NTMT2: variants seen among roughly 807,000 people sequenced by gnomAD.
NTMT2 encodes the protein N-terminal Xaa-Pro-Lys N-methyltransferase 2, also known as X-Pro-Lys N-terminal protein methyltransferase 1B.
A neutral mutation model predicts 23.4 loss-of-function variants in NTMT2; 21 were observed. The ratio of observed to expected loss-of-function variants is 0.90; its 90% CI spans 0.64 to 1.29. NTMT2 has a LOEUF of 1.29. Ranked by LOEUF, NTMT2 falls within the 50% of genes most tolerant of loss-of-function variation. NTMT2 has a pLI of 0.00. For synonymous variants in NTMT2, 131 were observed against 127.7 expected, an observed-to-expected ratio of 1.03 and a Z score of -0.17; for missense variants, 336 against 352.0, an observed-to-expected ratio of 0.95 and a Z score of 0.36.
At chr1:170,161,378 T>C (rs1471266767) in intron 2 of NTMT2, among the ~76,000 whole-genome samples, 2 of 152,228 alleles carry the variant, frequency 1.3e-5, no homozygotes, top group Non-Finnish European at 2.9e-5. Flanking sequence ...TTATACTATT[T>C]TATACATAGT....
intron 1 of NTMT2, among the ~76,000 whole-genome samples, chr1:170,156,708 C>T (rs907231603): frequency 6.6e-6 from 1 of 151,714 alleles, no homozygotes; most frequent in Non-Finnish European, 1.5e-5. Context: ...AACCTGGGGC[C>T]GAACATGACA....
At chr1:170,164,982 C>A (rs1673344025) in intron 2 of NTMT2, among the ~76,000 whole-genome samples, 1 of 152,170 alleles carries the variant, frequency 6.6e-6, no homozygotes, top group South Asian at 2.1e-4. Flanking sequence ...ACTTTTCTAG[C>A]ATAACGAAGG....
At chr1:170,149,105 C>G (rs1195517351) in intron 1 of NTMT2, among the ~76,000 whole-genome samples, 1 of 152,160 alleles carries the variant, frequency 6.6e-6, no homozygotes, top group Admixed American at 6.5e-5. Flanking sequence ...TCATTATTGT[C>G]AAAGTATTGT....
At chr1:170,162,052 T>G (rs1204562152) in intron 2 of NTMT2, among the ~76,000 whole-genome samples, 5 of 152,228 alleles carry the variant, frequency 3.3e-5, no homozygotes, top group African/African-American at 4.8e-5. Context: ...ACCGTGCCAG[T>G]GCATTCCAGC....
At chr1:170,150,864 G>A (rs762330501) in intron 1 of NTMT2, among the ~76,000 whole-genome samples, 3 of 152,162 alleles carry the variant, frequency 2.0e-5, no homozygotes. Flanking sequence ...TCTCCAGTGT[G>A]TATACCAGTG....
chr1:170,159,538 T>C (rs950687189), intron 1 of NTMT2, among the ~76,000 whole-genome samples: 1 of 151,990 alleles, frequency 6.6e-6, no homozygotes, highest in Non-Finnish European at 1.5e-5. Context: ...GCAAATTCTT[T>C]AGCTTTGTTC....
At chr1:170,148,721 A>G (rs1178980819) in intron 1 of NTMT2, among the ~76,000 whole-genome samples, 2 of 152,168 alleles carry the variant, frequency 1.3e-5, no homozygotes, top group Non-Finnish European at 2.9e-5. Flanking sequence ...CTCTTGCTAC[A>G]TCATTTTCAA....
At chr1:170,148,426 G>T (rs866067626) in intron 1 of NTMT2, among the ~76,000 whole-genome samples, 1 of 151,870 alleles carries the variant, frequency 6.6e-6, no homozygotes, top group Non-Finnish European at 1.5e-5. Flanking sequence ...AATACCTGTG[G>T]GGTTCCATAA....
chr1:170,163,847 C>A (rs527469098), intron 2 of NTMT2, among the ~76,000 whole-genome samples: 44 of 152,200 alleles, frequency 2.9e-4, no homozygotes, highest in African/African-American at 9.9e-4. Context: ...TCAAAATAAC[C>A]AAATGGGTTC....
At chr1:170,157,914 A>G (rs1673195067) in intron 1 of NTMT2, 1 of 152,020 alleles carries the variant, frequency 6.6e-6, no homozygotes. Context: ...CTACTTAAAG[A>G]TATTATTTTT....
Position 170,167,591 on chromosome 1 carries a change from G to A in NTMT2, c.686G>A (p.Cys229Tyr), listed in dbSNP as rs996638221. 4.0e-5 allele frequency: 62 copies of A among 1,551,586 alleles called. No homozygotes were observed. Among genetic ancestry groups the A allele is most frequent in the Non-Finnish European group, 5.2e-5 (60 of 1,146,992 alleles). The stretch of plus-strand genomic sequence containing the variant: ...AAGGACAATGTGGCCCGGGAGGGCT[G>A]TATCCTTGATCTCTCTGACAGCAGT... The part of the protein sequence containing the change: ...ILKDNVAREG[C>Y]ILDLSDSSVT... The change falls in exon 4 of 4, where the codon TGT (cysteine) becomes TAT (tyrosine). Residue 229 changes from cysteine (C) to tyrosine (Y), a missense_variant. By Grantham distance (194) the Cys-to-Tyr change is radical. Coordinates refer to ENST00000439373, the MANE Select transcript of NTMT2 (RefSeq NM_001136107.2).
intron 1 of NTMT2, among the ~76,000 whole-genome samples, chr1:170,158,523 AT>A (rs1673207689): frequency 6.6e-6 from 1 of 151,616 alleles, no homozygotes; most frequent in African/African-American, 2.4e-5. Flanking sequence ...CTGTTTTGAA[AT>A]TTCTTACAGA....
chr1:170,146,641 A>T (rs1672969824), intron 1 of NTMT2, among the ~76,000 whole-genome samples: 1 of 152,170 alleles, frequency 6.6e-6, no homozygotes. Context: ...ATTGAGTAAG[A>T]GTTAAAAAGA....
At chr1:170,166,977 C>T (rs558277373) in intron 3 of NTMT2, among the ~76,000 whole-genome samples, 2 of 152,110 alleles carry the variant, frequency 1.3e-5, no homozygotes, top group Non-Finnish European at 2.9e-5. Context: ...CGTTGGTTCT[C>T]GAACCAACTT....
At position 170,151,808 on chromosome 1, in the gene NTMT2, A is replaced by G. The variant is rs763969376; in HGVS notation, c.154+5547A>G. On this transcript the variant is annotated intron_variant, in intron 1 of 3. Coordinates refer to ENST00000439373, the MANE Select transcript of NTMT2 (RefSeq NM_001136107.2). ...TGCTTAACCTTGGGAAATTTAGTTA[A>G]TCTCTTAATGCCTTGGTTTCTTCTT... Among the ~76,000 whole-genome samples, 3 of 152,168 alleles carry G rather than the reference A, an allele frequency of 2.0e-5. No homozygotes were observed. In the South Asian group the frequency reaches 6.2e-4, roughly 32 times the overall value.
Position 170,146,071 on chromosome 1 carries a change from C to G in NTMT2, c.-37C>G, listed in dbSNP as rs1433981880. The G allele has an allele frequency of 1.3e-6, 2 of 1,522,362 alleles. No individual in the cohort carries two copies. Among genetic ancestry groups the G allele is most frequent in the East Asian group, 2.5e-5 (1 of 40,316 alleles). 94.3% of individuals were successfully genotyped at this position (1,522,362 alleles called of 1,614,324 possible). ...TTCAAAGAAACAGCAAGGCAAGCTTCCTTTCTCTGTAGGAATCATTATTAT... is the reference window on the plus strand; with the variant it reads ...TTCAAAGAAACAGCAAGGCAAGCTTGCTTTCTCTGTAGGAATCATTATTAT... On this transcript the variant is annotated 5_prime_UTR_variant, in exon 1 of 4. Coordinates refer to ENST00000439373, the MANE Select transcript of NTMT2 (RefSeq NM_001136107.2).
intron 1 of NTMT2, among the ~76,000 whole-genome samples, chr1:170,150,654 C>A (rs1172861500): frequency 6.6e-6 from 1 of 151,990 alleles, no homozygotes; most frequent in Non-Finnish European, 1.5e-5. Flanking sequence ...TATGATTTAA[C>A]AGGAATAGGG....
intron 1 of NTMT2, among the ~76,000 whole-genome samples, chr1:170,155,899 G>T (rs1441495014): frequency 6.6e-6 from 1 of 151,832 alleles, no homozygotes; most frequent in Non-Finnish European, 1.5e-5. Flanking sequence ...TGAGTATTCT[G>T]TTTTTCTCCA....
chr1:170,156,344 T>C (rs1024269852), intron 1 of NTMT2, among the ~76,000 whole-genome samples: 6 of 152,182 alleles, frequency 3.9e-5, no homozygotes, highest in Non-Finnish European at 7.4e-5. Context: ...AACTGAATCA[T>C]GAATGAACTG....
Sources: gnomAD v4.1 joint callset for allele counts (sites outside exome capture counted in the v4.1 genomes callset) on GRCh38, gnomAD v4.1.1 for gene constraint, MANE v1.5 for transcripts, NCBI Gene and HGNC (gene_info 2026-07-23, HGNC 2026-07-21) for gene names.